SPATA13: variants seen among roughly 807,000 people sequenced by gnomAD.
SPATA13 encodes the protein spermatogenesis associated 13.
SPATA13 carries 50 observed loss-of-function variants against 104.0 expected under a neutral mutation model. That is an observed-to-expected ratio of 0.48 (90% CI 0.38 to 0.61). The LOEUF (loss-of-function observed/expected upper bound fraction) is 0.61. SPATA13 is among the 20% of genes least tolerant of loss of function. The probability of loss-of-function intolerance (pLI) is 0.00; values close to 1 mark genes in which losing one functional copy is unlikely to be tolerated. For missense variants in SPATA13, 1,524 were observed against 1,690.6 expected (o/e 0.90, Z 1.73); for synonymous variants, 606 against 667.5 (o/e 0.91, Z 1.42).
chr13:24,270,841 G>A lies in SPATA13; in HGVS notation c.2165-13294G>A, dbSNP rs17464792. ...CCCCAGTCCTGCTCTGAAGGTTGCC[G>A]TTTTCCAAACAGAAGGATGGTAGCT... On this transcript the variant is annotated intron_variant, in intron 4 of 12. Coordinates refer to ENST00000382108, the MANE Select transcript of SPATA13 (RefSeq NM_001166271.3). The A allele has an allele frequency of 2.4e-3, 3,943 of 1,612,808 alleles. 91 individuals are homozygous for A. In the Admixed American group the frequency reaches 0.046, roughly 19 times the overall value.
intron 4 of SPATA13, among the ~76,000 whole-genome samples, chr13:24,276,984 C>T (rs1224947637): frequency 2.0e-5 from 3 of 152,116 alleles, no homozygotes; most frequent in East Asian, 1.9e-4. Context: ...ATCAGCAATT[C>T]GTAATTCAAT....
chr13:24,075,000 C>T (rs556687396), intron 3 of SPATA13, among the ~76,000 whole-genome samples: 144 of 152,324 alleles, frequency 9.5e-4, no homozygotes, highest in African/African-American at 3.4e-3. Context: ...TCTGTTTACA[C>T]CTGCAGTTTG....
At chr13:24,273,841 T>A (rs1283113536) in intron 4 of SPATA13, among the ~76,000 whole-genome samples, 3 of 152,178 alleles carry the variant, frequency 2.0e-5, no homozygotes. Flanking sequence ...GTTGTTTGGT[T>A]GGTTTTTGTT....
chr13:24,054,398 C>A (rs1404534566), intron 3 of SPATA13, among the ~76,000 whole-genome samples: 1 of 152,204 alleles, frequency 6.6e-6, no homozygotes, highest in Non-Finnish European at 1.5e-5. Context: ...ATCACTAAGG[C>A]TACTACTGGC....
chr13:24,277,460 A>AG (rs1294332144), intron 4 of SPATA13, among the ~76,000 whole-genome samples: 43 of 111,898 alleles, frequency 3.8e-4, no homozygotes, highest in African/African-American at 1.4e-3. Context: ...AAAAAAAAAA[A>AG]AAGAAGAAGT....
chr13:24,218,076 G>A (rs1012504777), intron 1 of SPATA13, among the ~76,000 whole-genome samples: 1 of 152,182 alleles, frequency 6.6e-6, no homozygotes, highest in African/African-American at 2.4e-5. Context: ...AGGGAAAGGC[G>A]TCCTGTATTA....
At chr13:24,276,049 A>G (rs916941325) in intron 4 of SPATA13, among the ~76,000 whole-genome samples, 5 of 152,252 alleles carry the variant, frequency 3.3e-5, no homozygotes, top group African/African-American at 1.2e-4. Context: ...GGAATGTGAA[A>G]TGATGCAGCC....
intron 4 of SPATA13, chr13:24,272,857 G>A (rs1874718871): frequency 6.6e-6 from 1 of 152,334 alleles, no homozygotes; most frequent in African/African-American, 2.4e-5. Context: ...ATTTATTCCA[G>A]CGCTGAGCGC....
chr13:24,141,249 G>T (rs567370687), intron 3 of SPATA13, among the ~76,000 whole-genome samples: 1 of 151,972 alleles, frequency 6.6e-6, no homozygotes, highest in Non-Finnish European at 1.5e-5. Flanking sequence ...AGGAGGTCAA[G>T]GTGGGAGGAT....
chr13:24,258,302 C>T (rs747983307), intron 4 of SPATA13, among the ~76,000 whole-genome samples: 12 of 136,866 alleles, frequency 8.8e-5, no homozygotes, highest in Non-Finnish European at 1.8e-4. Context: ...AAAAGTGTCA[C>T]AGATGTGTGA....
rs921481685 is a variant in SPATA13, at chr13:24,304,689, T to C, written c.*1916T>C. 3 of 152,202 alleles carry C rather than the reference T, an allele frequency of 2.0e-5. No individual in the cohort carries two copies. The highest frequency in any genetic ancestry group is 7.2e-5 in the African/African-American group (3 of 41,446). 9.4% of individuals were successfully genotyped at this position (152,202 alleles called of 1,614,324 possible). A position where few individuals can be genotyped will look rare whatever the true frequency, so the allele number is the denominator to read the frequency against. On this transcript the variant is annotated 3_prime_UTR_variant, in exon 13 of 13. Transcript: ENST00000382108. ...CGCCTGATGTCCATTCTGAGCCACC[T>C]TGGCACACATGCTTACAGGCAGCAC...
intron 1 of SPATA13, among the ~76,000 whole-genome samples, chr13:24,216,913 T>C (rs867286041): frequency 2.0e-5 from 3 of 152,152 alleles, no homozygotes; most frequent in African/African-American, 7.2e-5. Flanking sequence ...TAGTGGGGCA[T>C]AGTGGCATGT....
At chr13:24,269,210 G>T (rs967934451) in intron 4 of SPATA13, among the ~76,000 whole-genome samples, 2 of 152,098 alleles carry the variant, frequency 1.3e-5, no homozygotes, top group African/African-American at 4.8e-5. Context: ...TCCCCACTCC[G>T]CAGATGTGGA....
chr13:24,021,659 G>C (rs145527388), intron 3 of SPATA13, among the ~76,000 whole-genome samples: 3 of 152,202 alleles, frequency 2.0e-5, no homozygotes, highest in East Asian at 3.9e-4. Flanking sequence ...GCCGTGCATT[G>C]GGCATTATTC....
chr13:23,987,782 CT>C (rs903006358), intron 2 of SPATA13, among the ~76,000 whole-genome samples: 4 of 152,142 alleles, frequency 2.6e-5, no homozygotes, highest in Admixed American at 6.5e-5. Flanking sequence ...TCTCCAACCC[CT>C]GGCAACCACC....
rs1220586 is a variant in SPATA13 at position 24,260,401 on chromosome 13, C to A, written c.2164+8539C>A. 4.7e-3 allele frequency among the ~76,000 whole-genome samples: 712 copies of A among 152,302 alleles called. 6 individuals carry two copies. The highest frequency in any genetic ancestry group is 0.016 in the African/African-American group (655 of 41,564). ...GGAGCTGGCAGATCCCACAGTGTGG[C>A]CTGCGCTTGCCTTCCTGGCTCCTCT... On this transcript the variant is annotated intron_variant, in intron 4 of 12. Coordinates refer to ENST00000382108, the MANE Select transcript of SPATA13 (RefSeq NM_001166271.3).
intron 3 of SPATA13, among the ~76,000 whole-genome samples, chr13:24,026,883 T>C (rs1877242368): frequency 6.6e-6 from 1 of 152,214 alleles, no homozygotes; most frequent in South Asian, 2.1e-4. Flanking sequence ...ATTACAGGCG[T>C]GAGCCACCAC....
chr13:24,080,816 G>A (rs1256884713), intron 3 of SPATA13, among the ~76,000 whole-genome samples: 1 of 152,150 alleles, frequency 6.6e-6, no homozygotes, highest in East Asian at 1.9e-4. Context: ...CTCGTGGGCT[G>A]TTCTTTAATC....
chr13:24,046,891 G>T (rs144404522), intron 3 of SPATA13, among the ~76,000 whole-genome samples: 43 of 152,184 alleles, frequency 2.8e-4, no homozygotes, highest in African/African-American at 9.6e-4. Context: ...CTGAGACAGC[G>T]GTATTGCAGT....
Sources: allele counts gnomAD v4.1 joint callset (sites outside exome capture counted in the v4.1 genomes callset), GRCh38; gene constraint gnomAD v4.1.1; transcripts MANE v1.5; gene names NCBI Gene and HGNC (gene_info 2026-07-23, HGNC 2026-07-21).